The following LEPROTL1 variants were observed in gnomAD, a reference collection of about 807,000 sequenced individuals.
LEPROTL1 encodes the protein leptin receptor overlapping transcript-like 1.
In LEPROTL1, 6 loss-of-function variants were observed where a neutral mutation model predicts 15.4. The ratio of observed to expected loss-of-function variants is 0.39; its 90% CI spans 0.21 to 0.77. The LOEUF (loss-of-function observed/expected upper bound fraction) is 0.77, where lower values mean the gene tolerates loss of function less well. Ranked by LOEUF, LEPROTL1 falls within the 30% of genes least tolerant of loss-of-function variation. The pLI, the probability that LEPROTL1 is intolerant of heterozygous loss-of-function variation, is 0.41. For missense variants in LEPROTL1, 128 were observed against 158.1 expected (o/e 0.81, Z 1.02); for synonymous variants, 56 against 52.6 (o/e 1.06, Z -0.28).
At chr8:30,117,164 C>T (rs551341324) in intron 3 of LEPROTL1, among the ~76,000 whole-genome samples, 5 of 152,124 alleles carry the variant, frequency 3.3e-5, no homozygotes, top group Non-Finnish European at 5.9e-5. Context: ...AGATGATCAT[C>T]GCTTTACTAA....
At chr8:30,098,053 C>T (rs1045385296) in intron 1 of LEPROTL1, among the ~76,000 whole-genome samples, 2 of 152,180 alleles carry the variant, frequency 1.3e-5, no homozygotes, top group East Asian at 1.9e-4. Flanking sequence ...TTGCCTCTTG[C>T]GGAGATTACC....
chr8:30,128,013 G>C (rs1338364703), intron 3 of LEPROTL1, among the ~76,000 whole-genome samples: 1 of 152,124 alleles, frequency 6.6e-6, no homozygotes, highest in Non-Finnish European at 1.5e-5. Context: ...CCAAATGGGA[G>C]GGAGCAGCGG....
At chr8:30,126,790 C>G (rs1388737657) in intron 3 of LEPROTL1, among the ~76,000 whole-genome samples, 2 of 152,278 alleles carry the variant, frequency 1.3e-5, no homozygotes, top group African/African-American at 4.8e-5. Flanking sequence ...GCCAGACCAG[C>G]ACTATGGGAG....
intron 3 of LEPROTL1, among the ~76,000 whole-genome samples, chr8:30,122,736 A>G (rs764224499): frequency 6.6e-5 from 10 of 152,194 alleles, no homozygotes; most frequent in Non-Finnish European, 1.5e-4. Context: ...TGGAGGTTGC[A>G]GTGAGCTGAG....
In LEPROTL1 at chr8:30,095,454, C is replaced by A. The variant is rs950093356; in HGVS notation, c.-59C>A. 4 of 1,460,422 alleles carry A rather than the reference C, an allele frequency of 2.7e-6. No homozygotes were observed. The highest frequency in any genetic ancestry group is 2.7e-6 in the Non-Finnish European group (3 of 1,109,468). The allele number at this position is 1,460,422 out of a possible 1,614,324, so 90.5% of individuals were successfully genotyped here. A position where few individuals can be genotyped will look rare whatever the true frequency, so the allele number is the denominator to read the frequency against. On this transcript the variant is annotated 5_prime_UTR_variant, in exon 1 of 4. Transcript: ENST00000321250. ...CCGCCGTAGCGCGTCTTGGGTCTCC[C>A]GGCTGCCGCTGCTGCCGCCGCCGCC...
chr8:30,129,357 T>G (rs994199361), intron 3 of LEPROTL1, among the ~76,000 whole-genome samples: 1 of 152,188 alleles, frequency 6.6e-6, no homozygotes. Context: ...TAGTATTATC[T>G]TTGCGAAGTT....
chr8:30,127,792 G>A (rs1363586638), intron 3 of LEPROTL1, among the ~76,000 whole-genome samples: 1 of 151,638 alleles, frequency 6.6e-6, no homozygotes, highest in Non-Finnish European at 1.5e-5. Flanking sequence ...GATCAAGCAA[G>A]AGAAGGAAAA....
intron 2 of LEPROTL1, among the ~76,000 whole-genome samples, chr8:30,104,001 CTG>C (rs746581093): frequency 1.3e-5 from 2 of 152,154 alleles, no homozygotes; most frequent in Non-Finnish European, 2.9e-5. Context: ...CAGGAAATGA[CTG>C]TGGTACAATA....
intron 1 of LEPROTL1, among the ~76,000 whole-genome samples, chr8:30,096,820 G>T (rs1736940599): frequency 6.6e-6 from 1 of 152,182 alleles, no homozygotes; most frequent in Non-Finnish European, 1.5e-5. Flanking sequence ...TTTGATTTCA[G>T]CAGGATTTTC....
rs563318253 is a variant in LEPROTL1, at chr8:30,106,393, G to A, written c.*531G>A. On this transcript the variant is annotated 3_prime_UTR_variant, in exon 4 of 4. Transcript: ENST00000321250. ...GCATACGTTATAGACTGTATACTCA[G>A]TGCAAATATAGCTGCATTTATACCT... is the stretch of plus-strand genomic sequence containing the variant. 5 of 985,708 alleles carry A rather than the reference G, an allele frequency of 5.1e-6. No individual in the cohort carries two copies. Among genetic ancestry groups the A allele is most frequent in the Non-Finnish European group, 6.0e-6 (5 of 829,934 alleles). 61.1% of individuals were successfully genotyped at this position (985,708 alleles called of 1,614,324 possible).
At chr8:30,133,594 A>T (rs1472807997) in intron 4 of LEPROTL1, among the ~76,000 whole-genome samples, 1 of 152,128 alleles carries the variant, frequency 6.6e-6, no homozygotes, top group Non-Finnish European at 1.5e-5. Context: ...AGGTTCTTGA[A>T]TTAATTCAGA....
At chr8:30,123,433 T>C (rs1245202165) in intron 3 of LEPROTL1, among the ~76,000 whole-genome samples, 1 of 152,228 alleles carries the variant, frequency 6.6e-6, no homozygotes, top group African/African-American at 2.4e-5. Flanking sequence ...ATATTGAGTA[T>C]TTCAATCAAT....
chr8:30,134,132 T>C (rs1414090934), intron 4 of LEPROTL1, among the ~76,000 whole-genome samples: 2 of 152,176 alleles, frequency 1.3e-5, no homozygotes, highest in Non-Finnish European at 1.5e-5. Flanking sequence ...CTTAAAAAAC[T>C]TTCTCTTACC....
chr8:30,095,695 C>A, intron 1 of LEPROTL1, 167 bp downstream of exon 1: 1 of 710,052 alleles, frequency 1.4e-6, no homozygotes. Context: ...CGGAGGTGGG[C>A]GCGGCGCCCT....
intron 3 of LEPROTL1, among the ~76,000 whole-genome samples, chr8:30,126,397 C>G (rs1004612796): frequency 6.6e-6 from 1 of 152,140 alleles, no homozygotes; most frequent in Non-Finnish European, 1.5e-5. Flanking sequence ...CACTGCTGCA[C>G]GGGGGATTAA....
intron 3 of LEPROTL1, among the ~76,000 whole-genome samples, chr8:30,115,575 C>T (rs1420627238): frequency 2.9e-5 from 2 of 68,316 alleles, no homozygotes; most frequent in African/African-American, 6.0e-5. Context: ...TTTGTAGAGA[C>T]GGGGTTTCAC....
chr8:30,104,139 G>A (rs1168210789), intron 2 of LEPROTL1, among the ~76,000 whole-genome samples, 161 bp from the exon 3 acceptor site: 4 of 152,148 alleles, frequency 2.6e-5, no homozygotes, highest in Non-Finnish European at 4.4e-5. Context: ...GGAGTTCCTC[G>A]TGTTGTAAGG....
At chr8:30,102,102 T>C in intron 2 of LEPROTL1, 129 bp downstream of exon 2, 1 of 563,246 alleles carries the variant, frequency 1.8e-6, no homozygotes, top group South Asian at 2.4e-5. Flanking sequence ...CACATACCTT[T>C]GTAAAAATCA....
At chr8:30,124,410 G>A (rs983139442) in intron 3 of LEPROTL1, among the ~76,000 whole-genome samples, 4 of 152,084 alleles carry the variant, frequency 2.6e-5, no homozygotes, top group Admixed American at 6.6e-5. Context: ...ACACATGGCT[G>A]TTCTGTTTCG....
Sources: gnomAD v4.1 joint callset for allele counts (sites outside exome capture counted in the v4.1 genomes callset) on GRCh38, gnomAD v4.1.1 for gene constraint, MANE v1.5 for transcripts, NCBI Gene and HGNC (gene_info 2026-07-23, HGNC 2026-07-21) for gene names.